Variants in TRDN observed in about 807,000 individuals in gnomAD.
TRDN encodes the protein triadin in skeletal muscle.
Under a neutral mutation model 149.7 loss-of-function variants are expected in TRDN, and 161 were observed. The ratio of observed to expected loss-of-function variants is 1.08; its 90% CI spans 0.95 to 1.23. The LOEUF is 1.23. Among genes scored for constraint, TRDN ranks in the 50% most tolerant of loss-of-function variants. The pLI is 0.00. For missense variants in TRDN, 896 were observed against 823.5 expected (o/e 1.09, Z -1.08); for synonymous variants, 294 against 250.5 (o/e 1.17, Z -1.64).
intron 18 of TRDN, among the ~76,000 whole-genome samples, chr6:123,376,784 C>T (rs1781524983): frequency 1.3e-5 from 2 of 151,846 alleles, no homozygotes; most frequent in South Asian, 2.1e-4. Flanking sequence ...GGCCCCTTTG[C>T]GTGGTTTTTT....
intron 10 of TRDN, among the ~76,000 whole-genome samples, chr6:123,447,897 C>T (rs1392128154): frequency 6.6e-6 from 1 of 152,104 alleles, no homozygotes; most frequent in East Asian, 1.9e-4. Flanking sequence ...ACCTGGGAGT[C>T]ACCTCAAATA....
At chr6:123,584,558 G>C (rs1047251538) in intron 1 of TRDN, among the ~76,000 whole-genome samples, 2 of 152,048 alleles carry the variant, frequency 1.3e-5, no homozygotes, top group African/African-American at 4.8e-5. Context: ...GACACGATCA[G>C]CAGGGAACGC....
At chr6:123,270,758 C>A (rs1267792877) in intron 30 of TRDN, among the ~76,000 whole-genome samples, 1 of 151,722 alleles carries the variant, frequency 6.6e-6, no homozygotes, top group African/African-American at 2.4e-5. Context: ...ATTATTCCAG[C>A]TAATTTATAA....
At chr6:123,414,716 C>T (rs997635171) in intron 12 of TRDN, among the ~76,000 whole-genome samples, 6 of 152,002 alleles carry the variant, frequency 3.9e-5, no homozygotes, top group Admixed American at 1.3e-4. Context: ...TTTAGTGATT[C>T]GCATAATAGT....
At chr6:123,571,840 TTTCTCAAAATACCATTTAA>T (rs1421335911) in intron 1 of TRDN, among the ~76,000 whole-genome samples, 3 of 152,144 alleles carry the variant, frequency 2.0e-5, no homozygotes, top group African/African-American at 7.2e-5. Flanking sequence ...CCATTCTGTA[TTTCTCAAAATACCATTTAA>T]GTGGCTTCAT....
chr6:123,385,008 A>G (rs564663974), intron 14 of TRDN, among the ~76,000 whole-genome samples: 2 of 152,312 alleles, frequency 1.3e-5, no homozygotes, highest in South Asian at 2.1e-4. Flanking sequence ...TTTTAAGAAC[A>G]TTGAGGCTCC....
At chr6:123,384,119 T>G (rs2114427810) in intron 14 of TRDN, among the ~76,000 whole-genome samples, 1 of 152,324 alleles carries the variant, frequency 6.6e-6, no homozygotes, top group South Asian at 2.1e-4. Flanking sequence ...CTATTCATTT[T>G]CTTCCTGAAT....
chr6:123,627,082 C>G (rs548750233), intron 1 of TRDN, among the ~76,000 whole-genome samples: 2 of 152,032 alleles, frequency 1.3e-5, no homozygotes, highest in African/African-American at 4.8e-5. Context: ...GTGCCTGCCA[C>G]CACGCCCAGC....
intron 7 of TRDN, among the ~76,000 whole-genome samples, chr6:123,507,317 C>T (rs866376737): frequency 2.0e-5 from 3 of 152,052 alleles, no homozygotes; most frequent in African/African-American, 7.2e-5. Flanking sequence ...CTTTTTAATG[C>T]CATTATAATT....
intron 35 of TRDN, among the ~76,000 whole-genome samples, chr6:123,257,192 G>A (rs1401707641): frequency 2.0e-5 from 3 of 151,782 alleles, no homozygotes; most frequent in Non-Finnish European, 4.4e-5. Flanking sequence ...GTTGGCCAGG[G>A]TGGTCTCGAT....
chr6:123,280,806 G>C (rs1402522928), intron 24 of TRDN, among the ~76,000 whole-genome samples: 1 of 151,816 alleles, frequency 6.6e-6, no homozygotes, highest in Non-Finnish European at 1.5e-5. Context: ...ATAATCTATT[G>C]CAAGTATCAA....
rs996233731 is a variant in TRDN, at chr6:123,611,830, T to C, written c.22+24924A>G. Among the ~76,000 whole-genome samples the C allele has an allele frequency of 5.3e-5, 8 of 152,288 alleles. No homozygotes were observed. The East Asian group carries it at 1.5e-3, about 29-fold the overall frequency. ...CATCTAATTAGTTTGGTGGAGATTT[T>C]TGGATCAGTCAGAACCTTTGCTTTA... is the stretch of plus-strand genomic sequence containing the variant. On this transcript the variant is annotated intron_variant, in intron 1 of 40. Coordinates refer to ENST00000334268, the MANE Select transcript of TRDN (RefSeq NM_006073.4).
At chr6:123,255,221 G>A in intron 36 of TRDN, 96 bp from the exon 37 acceptor site, 1 of 512,902 alleles carries the variant, frequency 1.9e-6, no homozygotes, top group Non-Finnish European at 3.2e-6. Context: ...TAATTTAAGT[G>A]TTATAAATAT....
At chr6:123,493,885 T>G (rs961654577) in intron 9 of TRDN, among the ~76,000 whole-genome samples, 3 of 152,202 alleles carry the variant, frequency 2.0e-5, no homozygotes, top group Admixed American at 6.5e-5. Flanking sequence ...TATTTAATGC[T>G]TTCTCACTCC....
chr6:123,275,158 CCAAA>C (rs1284022797), intron 26 of TRDN, among the ~76,000 whole-genome samples: 3 of 151,886 alleles, frequency 2.0e-5, no homozygotes, highest in Non-Finnish European at 4.4e-5. Context: ...ATGTGTTCTC[CCAAA>C]CAATCTGTTG....
intron 40 of TRDN, among the ~76,000 whole-genome samples, chr6:123,219,568 G>A (rs1041583938): frequency 1.3e-5 from 2 of 151,734 alleles, no homozygotes; most frequent in Non-Finnish European, 2.9e-5. Flanking sequence ...TGAGACTAGG[G>A]GTTTATGAAG....
intron 20 of TRDN, among the ~76,000 whole-genome samples, chr6:123,359,509 TA>T (rs11335140): frequency 0.38 from 57,568 of 151,924 alleles, 11,617 homozygotes; most frequent in Middle Eastern, 0.49. Context: ...GGAATAAAAA[TA>T]AAAACATGAG....
intron 12 of TRDN, among the ~76,000 whole-genome samples, chr6:123,405,876 T>TA (rs1178768405): frequency 1.4e-4 from 21 of 152,306 alleles, no homozygotes; most frequent in African/African-American, 4.8e-4. Flanking sequence ...TTAGATTACT[T>TA]ACACTAAGAA....
chr6:123,255,896 G>T lies in TRDN; in HGVS notation c.1877C>A (p.Ala626Glu). Residue 626 changes from alanine to glutamate, a missense_variant, in exon 36 of 41, where the codon GCA (alanine) becomes GAA (glutamate). Coordinates refer to ENST00000334268, the MANE Select transcript of TRDN (RefSeq NM_006073.4). ...TTCTTCTCTAAGATGCTTCATGTCT[G>T]CTTTTTCTGTATAGAAGAAACAGTA... ...EISEKESKEK[A>E]DMKHLREEKV... The T allele has an allele frequency of 2.3e-6, 3 of 1,315,124 alleles. No homozygotes were observed. Among genetic ancestry groups the T allele is most frequent in the Admixed American group, 3.8e-5 (1 of 26,580 alleles). The allele number at this position is 1,315,124 out of a possible 1,614,324, so 81.5% of individuals were successfully genotyped here.
Sources: allele counts gnomAD v4.1 joint callset (sites outside exome capture counted in the v4.1 genomes callset), GRCh38; gene constraint gnomAD v4.1.1; transcripts MANE v1.5; gene names NCBI Gene and HGNC (gene_info 2026-07-23, HGNC 2026-07-21).